EFHB: variants seen among roughly 807,000 people sequenced by gnomAD.
EFHB encodes the protein EF-hand domain-containing family member B.
EFHB carries 91 observed loss-of-function variants against 87.2 expected under a neutral mutation model. That is an observed-to-expected ratio of 1.04 (90% confidence interval 0.88 to 1.24). EFHB has a LOEUF of 1.24. Among genes scored for constraint, EFHB ranks in the 50% most tolerant of loss-of-function variants. The pLI is 0.00. For missense variants in EFHB, 1,084 were observed against 998.8 expected (o/e 1.09, Z -1.15); for synonymous variants, 325 against 333.6 (o/e 0.97, Z 0.28).
chr3:19,890,189 A>G (rs1050570879), intron 9 of EFHB, among the ~76,000 whole-genome samples: 3 of 152,162 alleles, frequency 2.0e-5, no homozygotes, highest in Non-Finnish European at 4.4e-5. Flanking sequence ...CTACCATGCC[A>G]CCACCATGCC....
At chr3:19,931,667 T>C (rs993406324) in intron 1 of EFHB, among the ~76,000 whole-genome samples, 4 of 152,240 alleles carry the variant, frequency 2.6e-5, no homozygotes, top group Non-Finnish European at 5.9e-5. Flanking sequence ...AAGGACACTT[T>C]CTTATGTTTC....
At chr3:19,909,120 T>C (rs1167852721) in intron 5 of EFHB, among the ~76,000 whole-genome samples, 1 of 144,356 alleles carries the variant, frequency 6.9e-6, no homozygotes, top group African/African-American at 2.6e-5. Flanking sequence ...CAACTCATAG[T>C]ACTTGATTTT....
At chr3:19,916,271 T>C (rs1695227259) in intron 4 of EFHB, among the ~76,000 whole-genome samples, 1 of 152,126 alleles carries the variant, frequency 6.6e-6, no homozygotes, top group African/African-American at 2.4e-5. Context: ...TCCCAGCACT[T>C]TGGGAGGCTG....
intron 11 of EFHB, among the ~76,000 whole-genome samples, chr3:19,884,136 C>A (rs1198445144): frequency 2.6e-5 from 4 of 152,216 alleles, no homozygotes; most frequent in African/African-American, 9.7e-5. Flanking sequence ...TGAATTACTA[C>A]AATGTATAAC....
In EFHB at chr3:19,882,579, C is replaced by A. The variant is rs752446819; in HGVS notation, c.2299G>T (p.Asp767Tyr). The A allele has an allele frequency of 6.2e-7, 1 of 1,608,860 alleles. No homozygotes were observed. Among genetic ancestry groups the A allele is most frequent in the African/African-American group, 1.3e-5 (1 of 74,982 alleles). ...TCTTTTGATCTGGTCTTGAAGAAGTCTCTTTCAAACACTCCTTTCCGGGCA... is the reference window on the plus strand; with the variant it reads ...TCTTTTGATCTGGTCTTGAAGAAGTATCTTTCAAACACTCCTTTCCGGGCA... ...IFARKGVFERDFFKTRSKEEI... is the reference protein window; with the variant it reads ...IFARKGVFERYFFKTRSKEEI... Residue 767 changes from aspartate to tyrosine, a missense_variant, in exon 12 of 13, where the codon GAC (aspartate) becomes TAC (tyrosine). Transcript: ENST00000295824.
intron 11 of EFHB, 166 bp downstream of exon 11, chr3:19,884,237 A>G: frequency 1.6e-6 from 1 of 624,352 alleles, no homozygotes; most frequent in East Asian, 2.8e-5. Context: ...CGTTCAATCA[A>G]CATTTATATG....
chr3:19,908,648 G>GAAAGAAAT (rs1559459985), intron 5 of EFHB, among the ~76,000 whole-genome samples: 5 of 148,348 alleles, frequency 3.4e-5, no homozygotes, highest in African/African-American at 1.3e-4. Flanking sequence ...AAGAAAGAAA[G>GAAAGAAAT]AAAGAAAAAG....
rs577700267 is a variant in EFHB, at chr3:19,934,093, C to T, written c.-75G>A. The T allele has an allele frequency of 4.1e-5, 61 of 1,496,972 alleles. No individual in the cohort carries two copies. In the African/African-American group the frequency reaches 7.9e-4, roughly 19 times the overall value. 92.7% of individuals were successfully genotyped at this position (1,496,972 alleles called of 1,614,324 possible). A position where few individuals can be genotyped will look rare whatever the true frequency, so the allele number is the denominator to read the frequency against. On this transcript the variant is annotated 5_prime_UTR_variant, in exon 1 of 13. Coordinates refer to ENST00000295824, the MANE Select transcript of EFHB (RefSeq NM_144715.4). ...GGAAAGCTGTACCTGGCTACAAAGACGCCTCCAATCCCTTGCGGAACCCCT... is the reference window on the plus strand; with the variant it reads ...GGAAAGCTGTACCTGGCTACAAAGATGCCTCCAATCCCTTGCGGAACCCCT...
intron 5 of EFHB, among the ~76,000 whole-genome samples, chr3:19,908,957 G>A (rs937455714): frequency 1.3e-5 from 2 of 151,904 alleles, no homozygotes; most frequent in African/African-American, 2.4e-5. Context: ...AATGTTCAGA[G>A]AGAGGAAGTG....
At chr3:19,926,425 G>T (rs1393578615) in intron 1 of EFHB, among the ~76,000 whole-genome samples, 5 of 151,892 alleles carry the variant, frequency 3.3e-5, no homozygotes, top group Admixed American at 1.3e-4. Flanking sequence ...GTGCAGTGGC[G>T]CAATCTCGGC....
upstream of EFHB, chr3:19,936,380 A>G: frequency 1.9e-6 from 1 of 532,832 alleles, no homozygotes. Context: ...CATGGGTAAC[A>G]CAGTGAGACC....
upstream of EFHB, among the ~76,000 whole-genome samples, chr3:19,936,638 C>T (rs1308675736): frequency 5.3e-5 from 8 of 151,958 alleles, no homozygotes. Context: ...GAGGCCTAGG[C>T]GGGTGGATCA....
intron 1 of EFHB, among the ~76,000 whole-genome samples, chr3:19,921,723 C>G (rs1053923943): frequency 1.3e-5 from 2 of 152,042 alleles, no homozygotes; most frequent in African/African-American, 4.8e-5. Context: ...GTTCTGTGTT[C>G]TAACCTGGGC....
In EFHB at chr3:19,899,519, C is replaced by A. The variant is rs932969389; in HGVS notation, c.1419-4G>T. The stretch of plus-strand genomic sequence containing the variant: ...TACAAACTTAGCTCCTCTTTTCCTG[C>A]AAAATTAGAACATTATCAGGTATCT... On this transcript the variant is annotated splice_polypyrimidine_tract_variant and splice_region_variant and intron_variant, in intron 6 of 12. Transcript: ENST00000295824. 1.2e-5 allele frequency: 19 copies of A among 1,593,126 alleles called. No homozygotes were observed. Among genetic ancestry groups the A allele is most frequent in the Non-Finnish European group, 1.6e-5 (19 of 1,172,088 alleles).
chr3:19,946,919 C>T (rs1696303155), exon 1 of EFHB: 1 of 152,506 alleles, frequency 6.6e-6, no homozygotes, highest in African/African-American at 2.4e-5. Context: ...CCGCGCGTAC[C>T]TGGGGTGGGG....
At chr3:19,915,852 G>A (rs536130290) in intron 4 of EFHB, among the ~76,000 whole-genome samples, 163 of 152,092 alleles carry the variant, frequency 1.1e-3, no homozygotes, top group African/African-American at 3.7e-3. Flanking sequence ...ACGTGCCTGT[G>A]GTCCCAGCTA....
At chr3:19,913,199 G>C (rs1434138002) in intron 5 of EFHB, among the ~76,000 whole-genome samples, 1 of 152,150 alleles carries the variant, frequency 6.6e-6, no homozygotes, top group East Asian at 1.9e-4. Flanking sequence ...GTCCAAGCTA[G>C]AGCAACCAGA....
intron 9 of EFHB, among the ~76,000 whole-genome samples, chr3:19,895,252 C>T (rs1440746643): frequency 6.6e-6 from 1 of 151,564 alleles, no homozygotes; most frequent in Non-Finnish European, 1.5e-5. Context: ...GAGGCCGAGG[C>T]GGGTGGGTCA....
intron 12 of EFHB, among the ~76,000 whole-genome samples, chr3:19,880,522 G>C (rs1366387199): frequency 6.6e-6 from 1 of 152,120 alleles, no homozygotes; most frequent in Non-Finnish European, 1.5e-5. Context: ...AAAGTGCTGG[G>C]ATTACAGGCA....
Sources: allele counts gnomAD v4.1 joint callset (sites outside exome capture counted in the v4.1 genomes callset), GRCh38; gene constraint gnomAD v4.1.1; transcripts MANE v1.5; gene names NCBI Gene and HGNC (gene_info 2026-07-23, HGNC 2026-07-21).